SASH1: variants seen among roughly 807,000 people sequenced by gnomAD.
SASH1 encodes the protein SAM and SH3 domain containing 1.
Under a neutral mutation model 125.2 loss-of-function variants are expected in SASH1, and 44 were observed. The observed-to-expected ratio is 0.35, with a 90% CI of 0.28 to 0.45. SASH1 has a LOEUF of 0.45. Ranked by LOEUF, SASH1 falls within the 20% of genes least tolerant of loss-of-function variation. The probability of loss-of-function intolerance (pLI) is 1.00; values close to 1 mark genes in which losing one functional copy is unlikely to be tolerated. For synonymous variants in SASH1, 639 were observed against 649.1 expected (o/e 0.98, Z 0.24); for missense variants, 1,426 against 1,614.5 (o/e 0.88, Z 2.00).
At chr6:148,417,313 G>A (rs944177985) in intron 2 of SASH1, among the ~76,000 whole-genome samples, 3 of 152,262 alleles carry the variant, frequency 2.0e-5, no homozygotes, top group African/African-American at 7.2e-5. Context: ...CTGGTCGGGC[G>A]CGGTGGCTCA....
the SASH1 span, among the ~76,000 whole-genome samples, chr6:148,244,364 C>T: frequency 6.6e-6 from 1 of 152,206 alleles, no homozygotes; most frequent in African/African-American, 2.4e-5. Flanking sequence ...AGGAGACCGG[C>T]TTTATTCACA....
chr6:148,486,494 T>C (rs1267637098), intron 7 of SASH1, among the ~76,000 whole-genome samples: 1 of 152,124 alleles, frequency 6.6e-6, no homozygotes, highest in Non-Finnish European at 1.5e-5. Context: ...AAACTTTTAA[T>C]ATCTCTAAGA....
At chr6:148,449,082 T>TTCTTTTTTTTTTTC (rs71729833) in intron 4 of SASH1, among the ~76,000 whole-genome samples, 2 of 91,308 alleles carry the variant, frequency 2.2e-5, no homozygotes, top group East Asian at 2.4e-4. Context: ...TCATTTCTTT[T>TTCTTTTTTTTTTTC]TTTTTTTTTT....
At chr6:148,221,162 C>A in the SASH1 span, among the ~76,000 whole-genome samples, 2 of 152,072 alleles carry the variant, frequency 1.3e-5, no homozygotes, top group Non-Finnish European at 2.9e-5. Context: ...TGAAAGAGAT[C>A]AATAAATAGC....
rs780089500 is a variant in SASH1 at position 148,440,379 on chromosome 6, G to A, written c.358G>A (p.Ala120Thr). 1.5e-5 allele frequency: 25 copies of A among 1,613,790 alleles called. No individual in the cohort carries two copies. The highest frequency in any genetic ancestry group is 3.3e-5 in the South Asian group (3 of 91,074). Residue 120 changes from alanine (A) to threonine (T), a missense_variant, in exon 4 of 20, where the codon GCC becomes ACC. Physicochemically the swap from Ala to Thr is moderately conservative, Grantham distance 58. Around this residue, in one of 3 missense-constraint regions of SASH1, gnomAD observed 567 missense variants for 575.6 expected, o/e 0.99. Transcript: ENST00000367467. ...GTAGGAGTCGCTTGGCTTCTGTAGCGCCGTGTCAACCCCAGAAGTGGAAAG... is the reference window on the plus strand; with the variant it reads ...GTAGGAGTCGCTTGGCTTCTGTAGCACCGTGTCAACCCCAGAAGTGGAAAG... ...QIEESLGFCSAVSTPEVERKN... is the reference protein window; with the variant it reads ...QIEESLGFCSTVSTPEVERKN...
At chr6:148,545,989 T>G (rs750942914) in intron 18 of SASH1, 26 bp from the exon 19 acceptor site, 2 of 1,607,690 alleles carry the variant, frequency 1.2e-6, no homozygotes, top group Non-Finnish European at 8.5e-7. Flanking sequence ...TGACTCTTGA[T>G]GTCATATTCC....
intron 1 of SASH1, among the ~76,000 whole-genome samples, chr6:148,344,945 G>C (rs1049833822): frequency 6.6e-6 from 1 of 151,798 alleles, no homozygotes; most frequent in African/African-American, 2.4e-5. Flanking sequence ...TAGTAGAGAC[G>C]GGGTTTCACC....
chr6:148,383,094 C>T (rs1783216010), intron 1 of SASH1, among the ~76,000 whole-genome samples: 2 of 152,182 alleles, frequency 1.3e-5, no homozygotes, highest in African/African-American at 4.8e-5. Flanking sequence ...GAAGTGATGA[C>T]AGAGCTGGTG....
chr6:148,345,488 G>T (rs551665633), intron 1 of SASH1, among the ~76,000 whole-genome samples: 1 of 152,272 alleles, frequency 6.6e-6, no homozygotes, highest in African/African-American at 2.4e-5. Context: ...TTTTCCTCTT[G>T]TTTATCTGGG....
At chr6:148,369,207 A>G (rs1782613158) in intron 1 of SASH1, among the ~76,000 whole-genome samples, 1 of 152,168 alleles carries the variant, frequency 6.6e-6, no homozygotes, top group Non-Finnish European at 1.5e-5. Context: ...CAGAGGGAGA[A>G]TCTGTCTTTA....
chr6:148,229,319 G>A, the SASH1 span, among the ~76,000 whole-genome samples: 79 of 152,182 alleles, frequency 5.2e-4, 2 homozygotes, highest in Non-Finnish European at 1.5e-4. Flanking sequence ...GGGAGGGTTA[G>A]TGGACTACAT....
chr6:148,513,056 A>G, intron 8 of SASH1: 4 of 985,396 alleles, frequency 4.1e-6, no homozygotes, highest in Non-Finnish European at 4.8e-6. Flanking sequence ...CACCATTTTT[A>G]TGCCTAAATA....
chr6:148,548,267 C>T (rs760105778), intron 19 of SASH1, 28 bp from the exon 20 acceptor site: 5 of 1,586,010 alleles, frequency 3.2e-6, no homozygotes, highest in Non-Finnish European at 4.3e-6. Flanking sequence ...TGGAGCGTTT[C>T]TATCATATTC....
chr6:148,310,863 G>A (rs2128518443), intron 1 of SASH1, among the ~76,000 whole-genome samples: 1 of 152,268 alleles, frequency 6.6e-6, no homozygotes, highest in South Asian at 2.1e-4. Context: ...TGGAGCAAAG[G>A]AAACTCTCAA....
intron 2 of SASH1, among the ~76,000 whole-genome samples, chr6:148,420,515 C>T (rs1043714363): frequency 9.9e-5 from 15 of 152,180 alleles, no homozygotes; most frequent in African/African-American, 3.1e-4. Context: ...GTGAAGAAAA[C>T]ACACAAAATT....
the SASH1 span, among the ~76,000 whole-genome samples, chr6:148,211,116 G>A: frequency 6.6e-6 from 1 of 152,172 alleles, no homozygotes; most frequent in South Asian, 2.1e-4. Flanking sequence ...CTAAAGATAT[G>A]CTACCTACCT....
At chr6:148,382,873 A>G (rs900057870) in intron 1 of SASH1, among the ~76,000 whole-genome samples, 2 of 152,214 alleles carry the variant, frequency 1.3e-5, no homozygotes, top group East Asian at 1.9e-4. Flanking sequence ...CACCTGCCCT[A>G]TGGGTGTGCC....
At chr6:148,440,260 A>G in intron 3 of SASH1, 26 bp downstream of exon 3, 1 of 1,612,620 alleles carries the variant, frequency 6.2e-7, no homozygotes. Flanking sequence ...TTAATCATCT[A>G]GTTTTGCTTC....
At chr6:148,346,177 T>C (rs1011449568) in intron 1 of SASH1, among the ~76,000 whole-genome samples, 1 of 152,194 alleles carries the variant, frequency 6.6e-6, no homozygotes, top group Non-Finnish European at 1.5e-5. Flanking sequence ...ATGAGCAATA[T>C]TGAGCAGTTG....
Sources: gnomAD v4.1 joint callset for allele counts (sites outside exome capture counted in the v4.1 genomes callset) on GRCh38, gnomAD v4.1.1 for gene constraint, gnomAD v4.1.1 regional missense constraint, MANE v1.5 for transcripts, NCBI Gene and HGNC (gene_info 2026-07-23, HGNC 2026-07-21) for gene names.